The following RIN2 variants were observed in gnomAD, a reference collection of about 807,000 sequenced individuals.
The protein encoded by RIN2 is RAB5 interacting protein 2.
RIN2 carries 36 observed loss-of-function variants against 78.0 expected under a neutral mutation model. The observed-to-expected ratio is 0.46, with a 90% CI of 0.35 to 0.61. The LOEUF (loss-of-function observed/expected upper bound fraction) is 0.61. Among genes scored for constraint, RIN2 ranks in the 20% least tolerant of loss-of-function variants. The pLI is 0.00. For synonymous variants in RIN2, 466 were observed against 466.8 expected, an observed-to-expected ratio of 1.00 and a Z score of 0.02; for missense variants, 1,087 against 1,159.7, an observed-to-expected ratio of 0.94 and a Z score of 0.91.
At chr20:19,869,823 T>TTGATTG (rs1568558752) in intron 2 of RIN2, among the ~76,000 whole-genome samples, 71 of 148,928 alleles carry the variant, frequency 4.8e-4, no homozygotes, top group African/African-American at 1.7e-3. Flanking sequence ...TTTATTTATT[T>TTGATTG]ATTTATTTAT....
intron 1 of RIN2, among the ~76,000 whole-genome samples, chr20:19,763,872 T>C (rs1406335079): frequency 1.3e-5 from 2 of 152,194 alleles, no homozygotes; most frequent in African/African-American, 4.8e-5. Flanking sequence ...GACTTTATAG[T>C]ATCCAAATGA....
At chr20:19,779,187 A>T (rs2034412620) in intron 1 of RIN2, among the ~76,000 whole-genome samples, 1 of 152,022 alleles carries the variant, frequency 6.6e-6, no homozygotes, top group African/African-American at 2.4e-5. Context: ...CAGTGAGAGG[A>T]TTGGAGGGTG....
Position 19,799,745 on chromosome 20 carries a change from G to C in RIN2, c.-39G>C, listed in dbSNP as rs1173773085. 1 of 152,222 alleles carries C rather than the reference G, an allele frequency of 6.6e-6. No homozygotes were observed. Among genetic ancestry groups the C allele is most frequent in the Non-Finnish European group, 1.5e-5 (1 of 68,068 alleles). 9.4% of individuals were successfully genotyped at this position (152,222 alleles called of 1,614,324 possible). On this transcript the variant is annotated splice_region_variant and 5_prime_UTR_variant, in exon 2 of 13. Transcript: ENST00000255006. ...AGAGGAGAAGAGATGCTGGCGTGAA[G>C]GGGTACGTAGCAGCGAGACCATAAA...
intron 5 of RIN2, among the ~76,000 whole-genome samples, chr20:19,958,505 GC>G (rs1468122600): frequency 5.3e-5 from 8 of 152,258 alleles, no homozygotes; most frequent in African/African-American, 1.9e-4. Flanking sequence ...CACAGGGCCT[GC>G]CTGATGAGAT....
chr20:19,853,591 G>A (rs2037062887), intron 2 of RIN2, among the ~76,000 whole-genome samples: 1 of 152,160 alleles, frequency 6.6e-6, no homozygotes, highest in Non-Finnish European at 1.5e-5. Context: ...GGCATGAGAT[G>A]GTATCTCATT....
chr20:19,961,407 C>T (rs1306410623), intron 6 of RIN2, among the ~76,000 whole-genome samples: 1 of 152,002 alleles, frequency 6.6e-6, no homozygotes, highest in Non-Finnish European at 1.5e-5. Context: ...TGTGAAGTGT[C>T]GGGAGGCCAA....
At chr20:19,807,474 C>G (rs1010330581) in intron 2 of RIN2, among the ~76,000 whole-genome samples, 2 of 151,888 alleles carry the variant, frequency 1.3e-5, no homozygotes, top group African/African-American at 4.8e-5. Flanking sequence ...AAGCTGCACA[C>G]CCTAAGGCTC....
intron 3 of RIN2, among the ~76,000 whole-genome samples, chr20:19,894,969 G>A (rs777383480): frequency 7.2e-5 from 11 of 151,940 alleles, no homozygotes; most frequent in East Asian, 1.9e-4. Context: ...TTCCTCCACC[G>A]GTCCTGCCTC....
chr20:19,957,564 C>G (rs1301965022), intron 5 of RIN2, among the ~76,000 whole-genome samples: 1 of 152,170 alleles, frequency 6.6e-6, no homozygotes, highest in Non-Finnish European at 1.5e-5. Flanking sequence ...GTAATCCCAG[C>G]TACTCAGGAG....
intron 4 of RIN2, among the ~76,000 whole-genome samples, chr20:19,946,587 G>A (rs1019469025): frequency 7.9e-5 from 12 of 151,674 alleles, no homozygotes; most frequent in Middle Eastern, 3.4e-3. Flanking sequence ...GCATGGTGGC[G>A]CTTGCCTAGC....
At chr20:19,862,785 A>G (rs2037385033) in intron 2 of RIN2, among the ~76,000 whole-genome samples, 1 of 152,214 alleles carries the variant, frequency 6.6e-6, no homozygotes, top group African/African-American at 2.4e-5. Context: ...GGCTGGTCTT[A>G]GTCATCTTGG....
chr20:19,889,786 C>A (rs959863099), intron 3 of RIN2, 128 bp downstream of exon 3: 2 of 647,810 alleles, frequency 3.1e-6, no homozygotes, highest in South Asian at 5.9e-5. Flanking sequence ...GGAGCTTGCC[C>A]GAGCCCAGCT....
intron 1 of RIN2, among the ~76,000 whole-genome samples, chr20:19,785,453 C>G (rs762430507): frequency 2.7e-4 from 41 of 152,236 alleles, no homozygotes; most frequent in Non-Finnish European, 5.1e-4. Context: ...GACTGAACTC[C>G]GGAGAGGAAA....
At chr20:19,931,054 G>C (rs2146100074) in intron 3 of RIN2, among the ~76,000 whole-genome samples, 1 of 152,120 alleles carries the variant, frequency 6.6e-6, no homozygotes, top group South Asian at 2.1e-4. Flanking sequence ...TTCAAGACCA[G>C]CCTGCACAAC....
intron 2 of RIN2, among the ~76,000 whole-genome samples, chr20:19,805,540 T>C (rs1472548516): frequency 6.6e-6 from 1 of 152,086 alleles, no homozygotes; most frequent in East Asian, 1.9e-4. Context: ...TAGCTGGGAT[T>C]ACAGGCACGC....
intron 3 of RIN2, among the ~76,000 whole-genome samples, chr20:19,894,331 C>T (rs1028543467): frequency 6.6e-6 from 1 of 152,136 alleles, no homozygotes; most frequent in East Asian, 1.9e-4. Context: ...TAGTTACCCC[C>T]AAGCCACCCC....
At position 19,796,098 on chromosome 20, in the gene RIN2, A is replaced by AAAG. The variant is rs113835612; in HGVS notation, c.-162-3523_-162-3522insAGA. On this transcript the variant is annotated intron_variant, in intron 1 of 12. Transcript: ENST00000255006. ...AGAAAAGAGCAAAGAAAAAAAAGAAAAGAAAAGAAAAGTAGGTTAGGGCAA... is the reference window on the plus strand; with the variant it reads ...AGAAAAGAGCAAAGAAAAAAAAGAAAAAGAGAAAAGAAAAGTAGGTTAGGGCAA... 2.6e-3 allele frequency among the ~76,000 whole-genome samples: 400 copies of AAAG among 151,802 alleles called. 1 individual carries two copies. Among genetic ancestry groups the AAAG allele is most frequent in the Non-Finnish European group, 4.5e-3 (306 of 67,966 alleles).
chr20:19,795,257 A>C (rs1057305900), intron 1 of RIN2, among the ~76,000 whole-genome samples: 2 of 152,144 alleles, frequency 1.3e-5, no homozygotes, highest in African/African-American at 4.8e-5. Context: ...AAGTGGCTAT[A>C]GTGTTTTTGT....
chr20:19,907,522 C>G (rs2039271135), intron 3 of RIN2, among the ~76,000 whole-genome samples: 1 of 152,186 alleles, frequency 6.6e-6, no homozygotes, highest in African/African-American at 2.4e-5. Context: ...GGAAGTTCCA[C>G]CCATCACCAG....
Sources: gnomAD v4.1 joint callset for allele counts (sites outside exome capture counted in the v4.1 genomes callset) on GRCh38, gnomAD v4.1.1 for gene constraint, MANE v1.5 for transcripts, NCBI Gene and HGNC (gene_info 2026-07-23, HGNC 2026-07-21) for gene names.